Variants in CLYBL observed in about 807,000 individuals in gnomAD.
CLYBL encodes the protein citramalyl-CoA lyase, mitochondrial.
A neutral mutation model predicts 38.9 loss-of-function variants in CLYBL; 31 were observed. That is an observed-to-expected ratio of 0.80 (90% CI 0.60 to 1.08). CLYBL has a LOEUF of 1.08. CLYBL is among the 50% of genes least tolerant of loss of function. CLYBL has a pLI of 0.00. For synonymous variants in CLYBL, 171 were observed against 158.6 expected (o/e 1.08, Z -0.59); for missense variants, 434 against 411.6 (o/e 1.05, Z -0.47).
At chr13:99,784,462 T>A (rs1468409730) in intron 2 of CLYBL, among the ~76,000 whole-genome samples, 17 of 144,130 alleles carry the variant, frequency 1.2e-4, no homozygotes, top group Admixed American at 4.2e-4. Context: ...TTTTTTTTTT[T>A]TTTTTTTTTT....
intron 1 of CLYBL, among the ~76,000 whole-genome samples, chr13:99,662,489 G>A (rs926271935): frequency 2.1e-5 from 3 of 140,698 alleles, no homozygotes; most frequent in Non-Finnish European, 4.6e-5. Context: ...AAATAGATTT[G>A]TGTATTCCAA....
At chr13:99,673,763 C>T (rs2047601689) in intron 1 of CLYBL, among the ~76,000 whole-genome samples, 1 of 152,146 alleles carries the variant, frequency 6.6e-6, no homozygotes, top group African/African-American at 2.4e-5. Flanking sequence ...CAGATCCCTC[C>T]AGAAGTTATG....
chr13:99,656,980 C>T (rs1004835923), intron 1 of CLYBL, among the ~76,000 whole-genome samples: 2 of 152,180 alleles, frequency 1.3e-5, no homozygotes, highest in Non-Finnish European at 2.9e-5. Context: ...TCTGATGTTG[C>T]ACAGAAATGA....
intron 1 of CLYBL, among the ~76,000 whole-genome samples, chr13:99,727,944 G>A (rs750119035): frequency 9.2e-5 from 14 of 152,092 alleles, no homozygotes; most frequent in Non-Finnish European, 2.9e-5. Flanking sequence ...CAGGCATGGC[G>A]GTGGGCTTCT....
At chr13:99,617,579 C>A (rs2046731602) in intron 1 of CLYBL, among the ~76,000 whole-genome samples, 1 of 152,222 alleles carries the variant, frequency 6.6e-6, no homozygotes, top group African/African-American at 2.4e-5. Context: ...GGGCGCTCCG[C>A]TCTAGCAATG....
At chr13:99,890,360 T>A (rs999850679) in intron 7 of CLYBL, among the ~76,000 whole-genome samples, 3 of 152,176 alleles carry the variant, frequency 2.0e-5, no homozygotes, top group Non-Finnish European at 1.5e-5. Flanking sequence ...AGAAGTTTTT[T>A]AAAAAATGAG....
At chr13:99,825,041 C>T (rs538147424) in intron 2 of CLYBL, among the ~76,000 whole-genome samples, 8 of 152,300 alleles carry the variant, frequency 5.3e-5, no homozygotes, top group South Asian at 4.1e-4. Flanking sequence ...GGTACCTGGC[C>T]GTCTGTGGGT....
intron 1 of CLYBL, among the ~76,000 whole-genome samples, chr13:99,632,194 C>T (rs1232716674): frequency 6.6e-6 from 1 of 152,196 alleles, no homozygotes; most frequent in Non-Finnish European, 1.5e-5. Flanking sequence ...ACACCCAAAT[C>T]TGCATATGAA....
intron 8 of CLYBL, chr13:99,891,967 A>G (rs947509826): frequency 6.6e-6 from 1 of 152,348 alleles, no homozygotes; most frequent in Non-Finnish European, 1.5e-5. Context: ...CTTTCTGAAA[A>G]TAAACTTTCG....
chr13:99,824,069 G>T (rs2050639812), intron 2 of CLYBL, among the ~76,000 whole-genome samples: 1 of 152,188 alleles, frequency 6.6e-6, no homozygotes, highest in African/African-American at 2.4e-5. Flanking sequence ...AGGTCTGCAA[G>T]AAATATTTAT....
chr13:99,887,468 A>G (rs2052379088), intron 7 of CLYBL, among the ~76,000 whole-genome samples: 1 of 152,226 alleles, frequency 6.6e-6, no homozygotes, highest in Admixed American at 6.5e-5. Flanking sequence ...AGAGACAGAA[A>G]GGAGAATGGT....
intron 1 of CLYBL, among the ~76,000 whole-genome samples, chr13:99,735,059 T>C (rs1313414900): frequency 6.6e-6 from 1 of 152,244 alleles, no homozygotes; most frequent in East Asian, 1.9e-4. Context: ...TCTGGCCCTT[T>C]CAGTCAGAAG....
chr13:99,849,664 GC>G lies in CLYBL; in HGVS notation c.250-9195del, dbSNP rs1411112508. Among the ~76,000 whole-genome samples the G allele has an allele frequency of 6.6e-6, 1 of 152,232 alleles. No homozygotes were observed. Among genetic ancestry groups the G allele is most frequent in the Non-Finnish European group, 1.5e-5 (1 of 68,050 alleles). ...AGGTGCCTCAGAGGCCCATAAGGAT[GC>G]CTGTCAAGGTCTTCGCAGAAATACC... On this transcript the variant is annotated intron_variant, in intron 2 of 8. Transcript: ENST00000339105. The surrounding 1 kb of genome is among the most constrained non-coding windows in gnomAD (Gnocchi z 4.9).
intron 2 of CLYBL, among the ~76,000 whole-genome samples, chr13:99,805,522 ATCCCAGTGTGCCCGGTTGC>A (rs2050214926): frequency 1.3e-5 from 2 of 151,900 alleles, no homozygotes; most frequent in Admixed American, 6.6e-5. Context: ...AACTTCTACC[ATCCCAGTGTGCCCGGTTGC>A]TCCCACGCCC....
downstream of CLYBL, chr13:99,894,261 T>C (rs1377188470): frequency 1.3e-5 from 2 of 152,164 alleles, no homozygotes; most frequent in Non-Finnish European, 2.9e-5. Context: ...CAAGGGTGGG[T>C]GTGTGATCTC....
chr13:99,681,803 C>G (rs111388912), intron 1 of CLYBL, among the ~76,000 whole-genome samples: 9,849 of 151,992 alleles, frequency 0.065, 1,075 homozygotes, highest in African/African-American at 0.23. Context: ...CCAGGCTGGT[C>G]TCAAATTCCT....
chr13:99,775,921 T>G (rs1448570247), intron 2 of CLYBL, among the ~76,000 whole-genome samples: 1 of 151,628 alleles, frequency 6.6e-6, no homozygotes, highest in Non-Finnish European at 1.5e-5. Flanking sequence ...CCCAGCACTT[T>G]GGGAGGCTGA....
At position 99,775,796 on chromosome 13, in the gene CLYBL, A is replaced by C. The variant is rs556646648; in HGVS notation, c.249+2786A>C. On this transcript the variant is annotated intron_variant, in intron 2 of 8. Transcript: ENST00000339105. ...AGGGCTGGGATTACAGGCATAAGCC[A>C]TGATGCCCGGCCAAAATTCTCTTTT... 2.0e-5 allele frequency among the ~76,000 whole-genome samples: 3 copies of C among 152,252 alleles called. No individual in the cohort carries two copies. The East Asian group carries it at 5.8e-4, about 30-fold the overall frequency.
intron 7 of CLYBL, chr13:99,885,003 T>C (rs763929880): frequency 1.2e-5 from 6 of 497,120 alleles, no homozygotes; most frequent in Admixed American, 2.2e-5. Context: ...GCTCTTGGCT[T>C]TGCATTCAGC....
Sources: gnomAD v4.1 joint callset for allele counts (sites outside exome capture counted in the v4.1 genomes callset) on GRCh38, gnomAD v4.1.1 for gene constraint, Gnocchi (gnomAD v3.1) non-coding constraint, MANE v1.5 for transcripts, NCBI Gene and HGNC (gene_info 2026-07-23, HGNC 2026-07-21) for gene names.